The following TBL1XR1 variants were observed in gnomAD, a reference collection of about 807,000 sequenced individuals.
The protein encoded by TBL1XR1 is TBL1X/Y related 1.
In TBL1XR1, 5 loss-of-function variants were observed where a neutral mutation model predicts 66.9. That is an observed-to-expected ratio of 0.07 (90% CI 0.04 to 0.16). The LOEUF is 0.16. Ranked by LOEUF, TBL1XR1 falls within the 10% of genes least tolerant of loss-of-function variation. TBL1XR1 has a pLI of 1.00. For missense variants in TBL1XR1, 238 were observed against 623.2 expected, an observed-to-expected ratio of 0.38 and a Z score of 6.58; for synonymous variants, 210 against 206.0, an observed-to-expected ratio of 1.02 and a Z score of -0.17.
At chr3:177,160,351 G>A (rs932047941) in intron 1 of TBL1XR1, among the ~76,000 whole-genome samples, 1 of 151,916 alleles carries the variant, frequency 6.6e-6, no homozygotes, top group Non-Finnish European at 1.5e-5. Flanking sequence ...ACAGGCGCCT[G>A]TAGTCCCAGC....
At chr3:177,112,108 T>TATATATATATATATACATATA (rs1553846589) in intron 1 of TBL1XR1, among the ~76,000 whole-genome samples, 1 of 35,726 alleles carries the variant, frequency 2.8e-5, no homozygotes, top group African/African-American at 1.5e-4. Context: ...TATATATATA[T>TATATATATATATATACATATA]TTTTTTTTTT....
chr3:177,081,069 T>A (rs548355547), intron 2 of TBL1XR1, among the ~76,000 whole-genome samples: 2 of 152,218 alleles, frequency 1.3e-5, no homozygotes, highest in African/African-American at 2.4e-5. Context: ...TTTTCTTAAA[T>A]GCAAATTACC....
chr3:177,038,482 A>T (rs1407323942), intron 10 of TBL1XR1, 48 bp from the exon 11 acceptor site: 9 of 1,437,992 alleles, frequency 6.3e-6, no homozygotes, highest in Admixed American at 2.8e-5. Context: ...CATGTACTAA[A>T]ATCCAAGAGT....
chr3:177,103,634 T>G (rs1433354362), intron 1 of TBL1XR1, among the ~76,000 whole-genome samples: 4 of 152,164 alleles, frequency 2.6e-5, no homozygotes. Context: ...TTTATTTAAT[T>G]TATAGATAAC....
chr3:177,101,104 G>A (rs1257614744), intron 1 of TBL1XR1, among the ~76,000 whole-genome samples: 3 of 152,142 alleles, frequency 2.0e-5, no homozygotes, highest in Admixed American at 6.5e-5. Context: ...TGATCTGCCC[G>A]CCTCAGCCTC....
At chr3:177,065,075 A>T in intron 2 of TBL1XR1, 53 bp from the exon 3 acceptor site, 2 of 1,139,558 alleles carry the variant, frequency 1.8e-6, no homozygotes, top group Non-Finnish European at 2.3e-6. Context: ...TTTAAACAAG[A>T]TGTAAACAAT....
At chr3:177,122,135 A>T (rs934487940) in intron 1 of TBL1XR1, among the ~76,000 whole-genome samples, 33 of 152,158 alleles carry the variant, frequency 2.2e-4, no homozygotes, top group Admixed American at 2.1e-3. Context: ...AATGTTGATT[A>T]ATTCACCAAA....
chr3:177,086,253 A>T (rs1159870469), intron 2 of TBL1XR1, among the ~76,000 whole-genome samples: 1 of 152,024 alleles, frequency 6.6e-6, no homozygotes, highest in Non-Finnish European at 1.5e-5. Flanking sequence ...TCAATAGTTT[A>T]AAATTGAGAT....
intron 13 of TBL1XR1, 63 bp downstream of exon 13, chr3:177,034,135 A>T: frequency 1.3e-6 from 2 of 1,509,540 alleles, no homozygotes; most frequent in Non-Finnish European, 1.8e-6. Flanking sequence ...AACTTCTGTC[A>T]TATCTATTGG....
At chr3:177,148,341 T>C (rs1373974884) in intron 1 of TBL1XR1, among the ~76,000 whole-genome samples, 1 of 152,234 alleles carries the variant, frequency 6.6e-6, no homozygotes, top group Non-Finnish European at 1.5e-5. Flanking sequence ...TTCTGAAATC[T>C]ACTTACTATC....
At chr3:177,113,955 A>C (rs1725968239) in intron 1 of TBL1XR1, among the ~76,000 whole-genome samples, 1 of 152,172 alleles carries the variant, frequency 6.6e-6, no homozygotes, top group Non-Finnish European at 1.5e-5. Flanking sequence ...AAAAAATTTA[A>C]AACAGAAATA....
chr3:177,059,301 T>A (rs1161898928), intron 3 of TBL1XR1, among the ~76,000 whole-genome samples: 1 of 152,170 alleles, frequency 6.6e-6, no homozygotes, highest in Non-Finnish European at 1.5e-5. Flanking sequence ...ACAAAGAAAC[T>A]GCACTGTAAT....
intron 14 of TBL1XR1, among the ~76,000 whole-genome samples, chr3:177,030,755 G>T (rs1576972131): frequency 6.6e-6 from 1 of 152,190 alleles, no homozygotes. Context: ...ACATGGAAAT[G>T]ATATTATTTA....
intron 1 of TBL1XR1, among the ~76,000 whole-genome samples, chr3:177,168,448 ATTT>A (rs1733090150): frequency 1.3e-5 from 2 of 151,988 alleles, no homozygotes; most frequent in South Asian, 4.2e-4. Context: ...TACCCAGCTA[ATTT>A]TTTTATTTTT....
intron 1 of TBL1XR1, among the ~76,000 whole-genome samples, chr3:177,142,090 A>C (rs190654081): frequency 2.6e-4 from 40 of 152,300 alleles, no homozygotes; most frequent in African/African-American, 9.1e-4. Context: ...ACAGAGTTTC[A>C]GTTTTGCAGG....
chr3:177,060,171 T>C (rs1438760138), intron 3 of TBL1XR1, among the ~76,000 whole-genome samples: 2 of 152,136 alleles, frequency 1.3e-5, no homozygotes, highest in East Asian at 3.8e-4. Flanking sequence ...ATTGTGTGAG[T>C]CAATTCCCCC....
At chr3:177,078,165 GA>G (rs2108592607) in intron 2 of TBL1XR1, among the ~76,000 whole-genome samples, 2 of 152,280 alleles carry the variant, frequency 1.3e-5, no homozygotes, top group East Asian at 3.9e-4. Context: ...TTTCTCTTCA[GA>G]ATGAATAAAT....
chr3:177,059,066 T>C (rs949398046), intron 3 of TBL1XR1, among the ~76,000 whole-genome samples: 1 of 152,238 alleles, frequency 6.6e-6, no homozygotes, highest in Non-Finnish European at 1.5e-5. Context: ...TATACCTACT[T>C]GCACTTCTGT....
At chr3:177,115,929 T>G (rs768275427) in intron 1 of TBL1XR1, among the ~76,000 whole-genome samples, 7 of 152,180 alleles carry the variant, frequency 4.6e-5, no homozygotes, top group African/African-American at 1.7e-4. Context: ...CAGTTCTGGC[T>G]GGTAAGGCCT....
Sources: gnomAD v4.1 joint callset for allele counts (sites outside exome capture counted in the v4.1 genomes callset) on GRCh38, gnomAD v4.1.1 for gene constraint, MANE v1.5 for transcripts, NCBI Gene and HGNC (gene_info 2026-07-23, HGNC 2026-07-21) for gene names.